GLT8D2: variants seen among roughly 807,000 people sequenced by gnomAD.
GLT8D2 encodes the protein glycosyltransferase 8 domain containing 2.
GLT8D2 carries 45 observed loss-of-function variants against 44.5 expected under a neutral mutation model. That is an observed-to-expected ratio of 1.01 (90% CI 0.80 to 1.30). The LOEUF is 1.30. GLT8D2 is among the 50% of genes most tolerant of loss of function. The pLI, the probability that GLT8D2 is intolerant of heterozygous loss-of-function variation, is 0.00. For synonymous variants in GLT8D2, 156 were observed against 157.2 expected, an observed-to-expected ratio of 0.99 and a Z score of 0.06; for missense variants, 400 against 430.4, an observed-to-expected ratio of 0.93 and a Z score of 0.62.
chr12:104,028,230 G>A (rs1039918896), intron 1 of GLT8D2, among the ~76,000 whole-genome samples: 1 of 152,204 alleles, frequency 6.6e-6, no homozygotes, highest in Non-Finnish European at 1.5e-5. Flanking sequence ...CAGGAGTGGT[G>A]TCCTTGAGAA....
At chr12:104,052,853 G>T (rs370023449), upstream of GLT8D2, among the ~76,000 whole-genome samples, 51 of 152,008 alleles carry the variant, frequency 3.4e-4, no homozygotes, top group Admixed American at 3.3e-3. Context: ...TCAGCCTCCC[G>T]AGTAGCTGGG....
chr12:104,005,381 T>A (rs992873353), intron 4 of GLT8D2, among the ~76,000 whole-genome samples: 5 of 152,010 alleles, frequency 3.3e-5, no homozygotes. Context: ...AATTGACAAA[T>A]GGGATCTAAT....
chr12:104,063,220 C>T (rs1405037062), intron 1 of GLT8D2, among the ~76,000 whole-genome samples: 2 of 152,160 alleles, frequency 1.3e-5, no homozygotes, highest in Non-Finnish European at 2.9e-5. Flanking sequence ...AGCATATTAA[C>T]ATATCCATCA....
chr12:104,051,060 C>T (rs1881673739), upstream of GLT8D2, among the ~76,000 whole-genome samples: 1 of 151,942 alleles, frequency 6.6e-6, no homozygotes, highest in Non-Finnish European at 1.5e-5. Flanking sequence ...GGTGATCCGC[C>T]GCCTCAGCCT....
chr12:104,036,198 G>A (rs1012035742), intron 1 of GLT8D2, among the ~76,000 whole-genome samples: 1 of 152,148 alleles, frequency 6.6e-6, no homozygotes, highest in Non-Finnish European at 1.5e-5. Context: ...ATCAACCACT[G>A]CAAAAACATG....
chr12:104,041,377 G>A (rs929877707), intron 1 of GLT8D2, among the ~76,000 whole-genome samples: 1 of 152,176 alleles, frequency 6.6e-6, no homozygotes, highest in Non-Finnish European at 1.5e-5. Context: ...TCGCACCATT[G>A]CACTCCAGCC....
At chr12:104,039,527 C>A (rs1880307790) in intron 1 of GLT8D2, among the ~76,000 whole-genome samples, 1 of 152,130 alleles carries the variant, frequency 6.6e-6, no homozygotes, top group Non-Finnish European at 1.5e-5. Context: ...TTTATGCAGC[C>A]AACAGACACA....
At chr12:104,059,867 TAAC>T (rs1282578112) in intron 1 of GLT8D2, among the ~76,000 whole-genome samples, 1 of 152,154 alleles carries the variant, frequency 6.6e-6, no homozygotes, top group East Asian at 1.9e-4. Flanking sequence ...TCCAAAATAA[TAAC>T]AATTTACACA....
chr12:104,038,210 A>C (rs1028215590), intron 1 of GLT8D2, among the ~76,000 whole-genome samples: 1 of 152,210 alleles, frequency 6.6e-6, no homozygotes, highest in Non-Finnish European at 1.5e-5. Context: ...CAAAAACTGA[A>C]AGCATTCCCT....
At position 103,989,492 on chromosome 12, in the gene GLT8D2, G is replaced by A; in HGVS notation, c.966C>T (p.Asp322=). The change falls in exon 11 of 11, where the codon GAC becomes GAT. Residue 322 remains aspartate, a synonymous_variant. Transcript: ENST00000360814. ...LHWNGRHKPW[D]FPSVHNDLWE... is the part of the protein sequence containing the mutation. Reference sequence around the variant, plus strand: ...ATAAGTCGTTGTGAACACTAGGGAAGTCCCAAGGTTTATGTCTTCCATTCC... The same window carrying A: ...ATAAGTCGTTGTGAACACTAGGGAAATCCCAAGGTTTATGTCTTCCATTCC... The A allele has an allele frequency of 6.2e-7, 1 of 1,613,696 alleles. No homozygotes were observed.
At chr12:103,991,027 G>A (rs1872684749) in intron 10 of GLT8D2, among the ~76,000 whole-genome samples, 1 of 152,108 alleles carries the variant, frequency 6.6e-6, no homozygotes, top group African/African-American at 2.4e-5. Context: ...AGAACATCCT[G>A]AAACCTCATT....
intron 4 of GLT8D2, among the ~76,000 whole-genome samples, chr12:104,013,003 C>T (rs1317095794): frequency 6.6e-6 from 1 of 152,174 alleles, no homozygotes. Context: ...CCTCCAGAAC[C>T]AGAGAAAATA....
At chr12:104,037,758 C>T (rs1445607535) in intron 1 of GLT8D2, among the ~76,000 whole-genome samples, 2 of 152,178 alleles carry the variant, frequency 1.3e-5, no homozygotes, top group African/African-American at 4.8e-5. Flanking sequence ...CTATTCCAAT[C>T]AATAGAGGAA....
intron 10 of GLT8D2, among the ~76,000 whole-genome samples, chr12:103,991,980 A>G (rs573907128): frequency 1.3e-5 from 2 of 152,338 alleles, no homozygotes; most frequent in Non-Finnish European, 2.9e-5. Flanking sequence ...CATTGCCTAC[A>G]ATTCTAAGAT....
At chr12:104,025,844 C>T (rs575777116) in intron 1 of GLT8D2, among the ~76,000 whole-genome samples, 12 of 152,188 alleles carry the variant, frequency 7.9e-5, no homozygotes, top group Non-Finnish European at 1.6e-4. Flanking sequence ...GGAGTTTGAA[C>T]CTAGAGGATG....
intron 3 of GLT8D2, among the ~76,000 whole-genome samples, chr12:104,016,209 C>T (rs188081977): frequency 6.6e-6 from 1 of 152,142 alleles, no homozygotes; most frequent in Non-Finnish European, 1.5e-5. Flanking sequence ...ATGATACTAG[C>T]TGTGGGTCTG....
intron 1 of GLT8D2, among the ~76,000 whole-genome samples, chr12:104,030,184 G>C (rs1018288659): frequency 8.5e-5 from 13 of 152,050 alleles, no homozygotes. Context: ...AGAATAGAGG[G>C]CCCAGAAATA....
chr12:104,016,741 A>C (rs1471868666), intron 3 of GLT8D2, among the ~76,000 whole-genome samples: 3 of 99,466 alleles, frequency 3.0e-5, no homozygotes, highest in Non-Finnish European at 6.3e-5. Context: ...GAAAGAAAGA[A>C]AGAAAGAAAG....
intron 2 of GLT8D2, 74 bp downstream of exon 2, chr12:104,021,283 A>G (rs1021471658): frequency 1.3e-5 from 2 of 152,194 alleles, no homozygotes; most frequent in Admixed American, 6.5e-5. Context: ...TAAGGGATGA[A>G]CCGAATCCTA....
Sources: allele counts gnomAD v4.1 joint callset (sites outside exome capture counted in the v4.1 genomes callset), GRCh38; gene constraint gnomAD v4.1.1; transcripts MANE v1.5; gene names NCBI Gene and HGNC (gene_info 2026-07-23, HGNC 2026-07-21).